AGTPBP1: variants seen among roughly 807,000 people sequenced by gnomAD.
The protein encoded by AGTPBP1 is cytosolic carboxypeptidase 1.
In AGTPBP1, 70 loss-of-function variants were observed where a neutral mutation model predicts 143.9. The ratio of observed to expected loss-of-function variants is 0.49; its 90% CI spans 0.40 to 0.59. The LOEUF (loss-of-function observed/expected upper bound fraction) is 0.59, where lower values mean the gene tolerates loss of function less well. Ranked by LOEUF, AGTPBP1 falls within the 20% of genes least tolerant of loss-of-function variation. The probability of loss-of-function intolerance (pLI) is 0.00; values close to 1 mark genes in which losing one functional copy is unlikely to be tolerated. For missense variants in AGTPBP1, 1,229 were observed against 1,464.5 expected, an observed-to-expected ratio of 0.84 and a Z score of 2.62; for synonymous variants, 463 against 500.2, an observed-to-expected ratio of 0.93 and a Z score of 0.99.
intron 1 of AGTPBP1, among the ~76,000 whole-genome samples, chr9:85,726,143 T>C (rs1587986618): frequency 7.0e-6 from 1 of 142,742 alleles, no homozygotes; most frequent in Non-Finnish European, 1.5e-5. Flanking sequence ...GGTAGAAGGA[T>C]CGCTTGAGCC....
chr9:85,638,860 T>C (rs2133783739), intron 13 of AGTPBP1, among the ~76,000 whole-genome samples: 1 of 152,184 alleles, frequency 6.6e-6, no homozygotes, highest in African/African-American at 2.4e-5. Context: ...AATTTTTTCA[T>C]TGTGAGAAAT....
chr9:85,742,473 C>T (rs1056247554), upstream of AGTPBP1, among the ~76,000 whole-genome samples: 6 of 151,994 alleles, frequency 3.9e-5, no homozygotes, highest in Non-Finnish European at 8.8e-5. Context: ...CCTTTCCTGA[C>T]CTCAAGGAGG....
rs2118271980 is a variant in AGTPBP1, at chr9:85,546,968, A to G, written c.*141T>C. 1 of 720,316 alleles carries G rather than the reference A, an allele frequency of 1.4e-6. No homozygotes were observed. The allele number at this position is 720,316 out of a possible 1,614,324, so 44.6% of individuals were successfully genotyped here. On this transcript the variant is annotated 3_prime_UTR_variant, in exon 26 of 26. Transcript: ENST00000357081. ...ATCATTAATTAATAACACATTTATT[A>G]TCTTGAAACCAAACTGGCCCAAGTT...
chr9:85,713,131 G>C lies in AGTPBP1; in HGVS notation c.-33-565C>G, dbSNP rs966138722. Among the ~76,000 whole-genome samples the C allele has an allele frequency of 4.6e-5, 7 of 152,200 alleles. No individual in the cohort carries two copies. The East Asian group carries it at 1.4e-3, about 29-fold the overall frequency. On this transcript the variant is annotated intron_variant, in intron 1 of 25. Coordinates refer to ENST00000357081, the MANE Select transcript of AGTPBP1 (RefSeq NM_001330701.2). ...TTTTATAAATCTTCAAGTTTATTTT[G>C]CAACTATTAACCCTAAAATACTCTA...
chr9:85,758,458 A>C, the AGTPBP1 span, among the ~76,000 whole-genome samples: 5 of 152,166 alleles, frequency 3.3e-5, no homozygotes, highest in Non-Finnish European at 5.9e-5. Flanking sequence ...CAGCCTGACC[A>C]ACATGGTGAA....
chr9:85,753,405 A>G, the AGTPBP1 span: 5 of 1,613,758 alleles, frequency 3.1e-6, no homozygotes, highest in African/African-American at 1.3e-5. Context: ...GTTTGGAAGT[A>G]TAGACCATCT....
At chr9:85,654,275 A>C (rs1833352816) in intron 11 of AGTPBP1, among the ~76,000 whole-genome samples, 1 of 152,166 alleles carries the variant, frequency 6.6e-6, no homozygotes, top group Non-Finnish European at 1.5e-5. Flanking sequence ...GTTGTCAAAG[A>C]AATTCTTCTT....
At chr9:85,664,592 T>C (rs1834026928) in intron 8 of AGTPBP1, among the ~76,000 whole-genome samples, 1 of 152,144 alleles carries the variant, frequency 6.6e-6, no homozygotes, top group African/African-American at 2.4e-5. Context: ...GTCAACTACA[T>C]CTCAGAAACG....
In AGTPBP1 at chr9:85,619,008, T is replaced by C; in HGVS notation, c.2310A>G (p.Glu770=). The C allele has an allele frequency of 6.2e-7, 1 of 1,613,464 alleles. No individual in the cohort carries two copies. Among genetic ancestry groups the C allele is most frequent in the Non-Finnish European group, 8.5e-7 (1 of 1,179,752 alleles). The change falls in exon 17 of 26, where the codon GAA becomes GAG. Residue 770 remains glutamate, a synonymous_variant. Coordinates refer to ENST00000357081, the MANE Select transcript of AGTPBP1 (RefSeq NM_001330701.2). ...VAYRFNIINC[E]KSNSQFNYGM... is the part of the protein sequence containing the mutation. ...CATAATTAAACTGACTGTTGGACTT[T>C]TCACAGTTAATGATGTTAAACCTGT...
intron 23 of AGTPBP1, among the ~76,000 whole-genome samples, chr9:85,583,562 T>A (rs1828414245): frequency 6.6e-6 from 1 of 152,116 alleles, no homozygotes; most frequent in South Asian, 2.1e-4. Context: ...TCATCTTACA[T>A]TTCCTTTCAC....
upstream of AGTPBP1, among the ~76,000 whole-genome samples, chr9:85,743,008 T>C (rs1469639196): frequency 6.6e-6 from 1 of 152,230 alleles, no homozygotes; most frequent in African/African-American, 2.4e-5. Context: ...TTGCCCTTGG[T>C]AGATGTCTTT....
the AGTPBP1 span, among the ~76,000 whole-genome samples, chr9:85,797,915 C>T: frequency 2.0e-5 from 3 of 152,054 alleles, no homozygotes; most frequent in Non-Finnish European, 2.9e-5. Context: ...TTTTTTGAGA[C>T]GGACTCTCAC....
rs1825764601 is a variant in AGTPBP1 at position 85,546,723 on chromosome 9, T to C, written c.*386A>G. On this transcript the variant is annotated 3_prime_UTR_variant, in exon 26 of 26. Transcript: ENST00000357081. ...CTATAGAAATCCATGTACATATATATTAGTTTTCAACAAGTCAGGATTTTC... is the reference window on the plus strand; with the variant it reads ...CTATAGAAATCCATGTACATATATACTAGTTTTCAACAAGTCAGGATTTTC... The C allele has an allele frequency of 6.4e-6, 1 of 156,130 alleles. No homozygotes were observed. The highest frequency in any genetic ancestry group is 1.4e-5 in the Non-Finnish European group (1 of 70,954). 9.7% of individuals were successfully genotyped at this position (156,130 alleles called of 1,614,324 possible). A position where few individuals can be genotyped will look rare whatever the true frequency, so the allele number is the denominator to read the frequency against.
intron 24 of AGTPBP1, among the ~76,000 whole-genome samples, chr9:85,577,087 C>A (rs1389364451): frequency 6.6e-6 from 1 of 151,668 alleles, no homozygotes; most frequent in South Asian, 2.1e-4. Flanking sequence ...TTAAAATGAC[C>A]AAATTTATCA....
the AGTPBP1 span, among the ~76,000 whole-genome samples, chr9:85,766,883 T>A: frequency 6.6e-6 from 1 of 152,228 alleles, no homozygotes; most frequent in Non-Finnish European, 1.5e-5. Flanking sequence ...AGGATAATTT[T>A]CTCTTTCCAC....
intron 1 of AGTPBP1, among the ~76,000 whole-genome samples, chr9:85,740,521 G>A (rs1444510744): frequency 6.6e-6 from 1 of 152,188 alleles, no homozygotes; most frequent in African/African-American, 2.4e-5. Context: ...TTTAAAATAA[G>A]CACCATTTAA....
intron 8 of AGTPBP1, among the ~76,000 whole-genome samples, chr9:85,666,699 A>C (rs1834154153): frequency 6.6e-6 from 1 of 152,084 alleles, no homozygotes; most frequent in African/African-American, 2.4e-5. Context: ...TTTCCCCTGG[A>C]AACATTTTAT....
At chr9:85,571,995 T>C (rs1235885203) in intron 25 of AGTPBP1, among the ~76,000 whole-genome samples, 1 of 126,884 alleles carries the variant, frequency 7.9e-6, no homozygotes, top group East Asian at 3.1e-4. Context: ...TTATTAGTTG[T>C]TTGTGTGTGT....
At chr9:85,679,610 G>A (rs972983055) in intron 4 of AGTPBP1, among the ~76,000 whole-genome samples, 36 of 152,112 alleles carry the variant, frequency 2.4e-4, no homozygotes, top group Admixed American at 1.2e-3. Context: ...GGGTTTTACC[G>A]TGTTAGCCAG....
Sources: gnomAD v4.1 joint callset for allele counts (sites outside exome capture counted in the v4.1 genomes callset) on GRCh38, gnomAD v4.1.1 for gene constraint, MANE v1.5 for transcripts, NCBI Gene and HGNC (gene_info 2026-07-23, HGNC 2026-07-21) for gene names.